Variants in MTA3 observed in about 807,000 individuals in gnomAD.
MTA3 encodes metastasis associated 1 family member 3.
A neutral mutation model predicts 83.5 loss-of-function variants in MTA3; 34 were observed. The observed-to-expected ratio is 0.41, with a 90% confidence interval of 0.31 to 0.54. The LOEUF (loss-of-function observed/expected upper bound fraction) is 0.54, where lower values mean the gene tolerates loss of function less well. Ranked by LOEUF, MTA3 falls within the 20% of genes least tolerant of loss-of-function variation. The pLI is 0.33. For missense variants in MTA3, 761 were observed against 726.4 expected (o/e 1.05, Z -0.55); for synonymous variants, 303 against 252.7 (o/e 1.20, Z -1.89).
At chr2:42,529,321 C>T (rs1185955542) in intron 2 of MTA3, among the ~76,000 whole-genome samples, 1 of 152,172 alleles carries the variant, frequency 6.6e-6, no homozygotes, top group Non-Finnish European at 1.5e-5. Flanking sequence ...CTGGGAGCTT[C>T]GCAGGGCAGT....
chr2:42,754,899 C>G lies in MTA3; in HGVS notation c.*1500C>G, dbSNP rs1241297218. On this transcript the variant is annotated 3_prime_UTR_variant, in exon 17 of 17. Transcript: ENST00000405094. ...GTGAGGTGGAGGGCGGTTTTGCAGA[C>G]ATCTCAGCTTCTTTTCTGAGGAGGA... The G allele has an allele frequency of 1.0e-6, 1 of 985,492 alleles. No homozygotes were observed. Among genetic ancestry groups the G allele is most frequent in the Non-Finnish European group, 1.2e-6 (1 of 830,088 alleles). The allele number at this position is 985,492 out of a possible 1,614,324, so 61.0% of individuals were successfully genotyped here.
At chr2:42,558,697 G>A (rs10176659) in intron 2 of MTA3, among the ~76,000 whole-genome samples, 47,275 of 150,156 alleles carry the variant, frequency 0.31, 7,587 homozygotes, top group South Asian at 0.41. Context: ...ACATGCACAC[G>A]CTGCCACGCC....
Position 42,756,618 on chromosome 2 carries a change from C to T in MTA3, c.*3219C>T, listed in dbSNP as rs530744603. 13 of 985,558 alleles carry T rather than the reference C, an allele frequency of 1.3e-5. No individual in the cohort carries two copies. Among genetic ancestry groups the T allele is most frequent in the East Asian group, 1.1e-4 (1 of 8,806 alleles). The allele number at this position is 985,558 out of a possible 1,614,324, so 61.1% of individuals were successfully genotyped here. Reference sequence around the variant, plus strand: ...TGTTTTACTCTGCCTAGAGAGGAAACGGCTTTGGGGAGGGAGGGGGAAGCC... The same window carrying T: ...TGTTTTACTCTGCCTAGAGAGGAAATGGCTTTGGGGAGGGAGGGGGAAGCC... On this transcript the variant is annotated 3_prime_UTR_variant, in exon 17 of 17. Coordinates refer to ENST00000405094, the MANE Select transcript of MTA3 (RefSeq NM_001330442.2).
At chr2:42,641,442 C>T (rs959803532) in intron 5 of MTA3, among the ~76,000 whole-genome samples, 1 of 151,996 alleles carries the variant, frequency 6.6e-6, no homozygotes, top group African/African-American at 2.4e-5. Context: ...ATTAGTCTGT[C>T]CCACAGAATG....
At chr2:42,627,450 CTCTTCTTAGTCTTT>C (rs1385275081) in intron 4 of MTA3, among the ~76,000 whole-genome samples, 1 of 152,172 alleles carries the variant, frequency 6.6e-6, no homozygotes, top group African/African-American at 2.4e-5. Context: ...GCCAGATGTG[CTCTTCTTAGTCTTT>C]TCTTCTTAGT....
At chr2:42,502,570 A>C (rs996660554) in intron 2 of MTA3, among the ~76,000 whole-genome samples, 3 of 152,096 alleles carry the variant, frequency 2.0e-5, no homozygotes, top group African/African-American at 7.2e-5. Flanking sequence ...AGGCCAAGGC[A>C]GCTGAATCAC....
At chr2:42,610,225 C>A (rs186696107) in intron 4 of MTA3, among the ~76,000 whole-genome samples, 26 of 152,300 alleles carry the variant, frequency 1.7e-4, no homozygotes, top group African/African-American at 6.0e-4. Flanking sequence ...GCTGGTCTTC[C>A]AGGTTCTAAG....
At chr2:42,495,822 A>G (rs772495750) in intron 2 of MTA3, among the ~76,000 whole-genome samples, 1 of 152,166 alleles carries the variant, frequency 6.6e-6, no homozygotes, top group African/African-American at 2.4e-5. Flanking sequence ...TTCGCAACCC[A>G]GGAATGGGAT....
chr2:42,553,278 G>T (rs938306826), intron 2 of MTA3, among the ~76,000 whole-genome samples: 6 of 151,784 alleles, frequency 4.0e-5, no homozygotes, highest in African/African-American at 7.3e-5. Context: ...CAAAAAATTC[G>T]CCGGGCATGG....
At chr2:42,685,800 G>C (rs1057044543) in intron 9 of MTA3, among the ~76,000 whole-genome samples, 2 of 151,270 alleles carry the variant, frequency 1.3e-5, no homozygotes, top group African/African-American at 2.4e-5. Flanking sequence ...CTGCTCAAAG[G>C]GTTTTGTGTT....
chr2:42,670,432 A>G (rs1241544573), intron 8 of MTA3, among the ~76,000 whole-genome samples: 1 of 152,164 alleles, frequency 6.6e-6, no homozygotes, highest in South Asian at 2.1e-4. Flanking sequence ...TTAAGCATCT[A>G]ATTGGCTTTC....
At chr2:42,630,973 A>G (rs1056804563) in intron 4 of MTA3, among the ~76,000 whole-genome samples, 7 of 152,182 alleles carry the variant, frequency 4.6e-5, no homozygotes, top group African/African-American at 1.7e-4. Flanking sequence ...TATAAGTAAT[A>G]AAATAGAACT....
intron 2 of MTA3, among the ~76,000 whole-genome samples, chr2:42,498,253 G>C (rs1229535617): frequency 6.6e-6 from 1 of 152,196 alleles, no homozygotes; most frequent in Admixed American, 6.5e-5. Flanking sequence ...TTTTCGAATG[G>C]AAATTCAAAT....
chr2:42,573,177 T>G (rs1360455118), intron 2 of MTA3, among the ~76,000 whole-genome samples: 4 of 152,224 alleles, frequency 2.6e-5, no homozygotes, highest in Non-Finnish European at 5.9e-5. Flanking sequence ...CTTCATAGTG[T>G]TAAAATCTTT....
At chr2:42,732,865 A>G (rs532712528) in intron 16 of MTA3, among the ~76,000 whole-genome samples, 18 of 152,290 alleles carry the variant, frequency 1.2e-4, no homozygotes, top group Admixed American at 1.1e-3. Flanking sequence ...CTTTGCTGAA[A>G]CATAACAAGA....
chr2:42,587,693 AG>A (rs982605883), intron 3 of MTA3, among the ~76,000 whole-genome samples: 1 of 151,996 alleles, frequency 6.6e-6, no homozygotes, highest in African/African-American at 2.4e-5. Context: ...GCCTTGAGGT[AG>A]GGATTCAAGT....
At chr2:42,594,729 T>TATATATATATATATATATA (rs1491154379) in intron 3 of MTA3, among the ~76,000 whole-genome samples, 1 of 19,142 alleles carries the variant, frequency 5.2e-5, no homozygotes, top group Non-Finnish European at 7.9e-5. Flanking sequence ...TATATATATA[T>TATATATATATATATATATA]TTTTTTTTTT....
intron 2 of MTA3, among the ~76,000 whole-genome samples, chr2:42,537,144 G>T (rs1572943713): frequency 6.6e-6 from 1 of 152,214 alleles, no homozygotes; most frequent in African/African-American, 2.4e-5. Context: ...TTAGGACTCT[G>T]TAAACTCATC....
intron 2 of MTA3, among the ~76,000 whole-genome samples, chr2:42,528,799 T>C (rs1466402509): frequency 6.6e-6 from 1 of 152,220 alleles, no homozygotes; most frequent in Non-Finnish European, 1.5e-5. Flanking sequence ...GAACGACTTG[T>C]GACTTGGTCA....
Sources: allele counts gnomAD v4.1 joint callset (sites outside exome capture counted in the v4.1 genomes callset), GRCh38; gene constraint gnomAD v4.1.1; transcripts MANE v1.5; gene names NCBI Gene and HGNC (gene_info 2026-07-23, HGNC 2026-07-21).